RAI14: variants seen among roughly 807,000 people sequenced by gnomAD.
RAI14 encodes the protein retinoic acid induced 14.
Under a neutral mutation model 115.4 loss-of-function variants are expected in RAI14, and 45 were observed. The observed-to-expected ratio is 0.39, with a 90% CI of 0.31 to 0.50. RAI14 has a LOEUF of 0.50. RAI14 is among the 20% of genes least tolerant of loss of function. The probability of loss-of-function intolerance (pLI) is 0.85; values close to 1 mark genes in which losing one functional copy is unlikely to be tolerated. For synonymous variants in RAI14, 371 were observed against 415.4 expected (o/e 0.89, Z 1.30); for missense variants, 939 against 1,131.2 (o/e 0.83, Z 2.44).
chr5:34,814,298 T>C (rs756615901), intron 11 of RAI14, among the ~76,000 whole-genome samples: 18 of 152,352 alleles, frequency 1.2e-4, no homozygotes, highest in Admixed American at 2.6e-4. Flanking sequence ...TTTTTAAATG[T>C]ATGTTAGCAT....
chr5:34,787,856 T>G (rs1331408267), intron 3 of RAI14, among the ~76,000 whole-genome samples: 1 of 150,028 alleles, frequency 6.7e-6, no homozygotes, highest in Non-Finnish European at 1.5e-5. Flanking sequence ...TTGCCTTTAA[T>G]GGTTTATTAC....
At chr5:34,771,596 A>G (rs1175870114) in intron 3 of RAI14, among the ~76,000 whole-genome samples, 3 of 152,196 alleles carry the variant, frequency 2.0e-5, no homozygotes, top group African/African-American at 4.8e-5. Context: ...GAATAGCAAC[A>G]GTTCAAGCCT....
chr5:34,787,893 ATTTTTTTTTTTTTTTT>A (rs70973012), intron 3 of RAI14, among the ~76,000 whole-genome samples: 259 of 25,078 alleles, frequency 0.01, no homozygotes, highest in Non-Finnish European at 0.014. Flanking sequence ...GATACTACTG[ATTTTTTTTTTTTTTTT>A]TTTTTTTTTT....
At chr5:34,826,157 T>C in intron 15 of RAI14, 173 bp from the exon 16 acceptor site, 1 of 495,928 alleles carries the variant, frequency 2.0e-6, no homozygotes, top group Non-Finnish European at 3.3e-6. Context: ...CCTGATTTTG[T>C]CATCCATTTC....
intron 2 of RAI14, among the ~76,000 whole-genome samples, chr5:34,728,157 G>A (rs1288686230): frequency 6.6e-6 from 1 of 152,122 alleles, no homozygotes; most frequent in East Asian, 1.9e-4. Flanking sequence ...CATTTGGAAG[G>A]GCTATATTTA....
At position 34,811,804 on chromosome 5, in the gene RAI14, A is replaced by C; in HGVS notation, c.595A>C (p.Asn199His). The C allele has an allele frequency of 6.2e-7, 1 of 1,613,496 alleles. No individual in the cohort carries two copies. Among genetic ancestry groups the C allele is most frequent in the South Asian group, 1.1e-5 (1 of 91,062 alleles). Residue 199 changes from asparagine (N) to histidine (H), a missense_variant, in exon 9 of 18, where the codon AAC (asparagine) becomes CAC (histidine). Asn to His is a moderately conservative substitution (Grantham distance 68, BLOSUM62 1). Transcript: ENST00000265109. Reference sequence around the variant, plus strand: ...GCTGGCCTGTGAGATTGGCAGCTCTAACGCTGTGGAAGCCTTAATTAAAAA... The same window carrying C: ...GCTGGCCTGTGAGATTGGCAGCTCTCACGCTGTGGAAGCCTTAATTAAAAA... Reference protein sequence around the residue: ...LMLACEIGSSNAVEALIKKGA... With the variant: ...LMLACEIGSSHAVEALIKKGA...
At chr5:34,767,659 G>C (rs1749596819) in intron 3 of RAI14, among the ~76,000 whole-genome samples, 1 of 125,884 alleles carries the variant, frequency 7.9e-6, no homozygotes. Flanking sequence ...ATCATTCAAG[G>C]CCCAATTTAC....
chr5:34,803,584 A>G, intron 4 of RAI14, 128 bp from the exon 5 acceptor site: 3 of 806,190 alleles, frequency 3.7e-6, no homozygotes, highest in Non-Finnish European at 5.8e-6. Flanking sequence ...ACAAACAAAA[A>G]AACACAGTTC....
intron 2 of RAI14, among the ~76,000 whole-genome samples, chr5:34,718,774 C>G (rs182339246): frequency 6.6e-6 from 1 of 152,284 alleles, no homozygotes; most frequent in Admixed American, 6.5e-5. Context: ...AAATGGAGAT[C>G]AGTTCCTATG....
intron 2 of RAI14, among the ~76,000 whole-genome samples, chr5:34,738,252 C>T (rs1745102185): frequency 1.3e-5 from 2 of 152,024 alleles, no homozygotes; most frequent in Admixed American, 1.3e-4. Context: ...GGTGAGATCC[C>T]ATCTCTAAAA....
chr5:34,764,540 TCTCTCTCTC>T (rs1561329853), intron 3 of RAI14, among the ~76,000 whole-genome samples: 1 of 141,986 alleles, frequency 7.0e-6, no homozygotes, highest in African/African-American at 2.5e-5. Context: ...GTGAATTTTC[TCTCTCTCTC>T]TCTCTCTCTC....
chr5:34,711,608 G>T (rs1352703495), intron 2 of RAI14, among the ~76,000 whole-genome samples: 1 of 152,210 alleles, frequency 6.6e-6, no homozygotes, highest in Non-Finnish European at 1.5e-5. Flanking sequence ...GAACCCTCAT[G>T]AATGAGATTA....
At chr5:34,666,169 G>A (rs1383915310) in intron 1 of RAI14, among the ~76,000 whole-genome samples, 1 of 151,966 alleles carries the variant, frequency 6.6e-6, no homozygotes, top group Non-Finnish European at 1.5e-5. Context: ...GATGTCCCAG[G>A]CCCCACCTGA....
intron 2 of RAI14, among the ~76,000 whole-genome samples, chr5:34,736,865 C>G (rs1215415235): frequency 6.6e-6 from 1 of 152,228 alleles, no homozygotes; most frequent in East Asian, 1.9e-4. Context: ...TTGAGTAATT[C>G]AGGAATCCCC....
chr5:34,699,401 C>G (rs1739754268), intron 2 of RAI14, among the ~76,000 whole-genome samples: 1 of 152,176 alleles, frequency 6.6e-6, no homozygotes, highest in Non-Finnish European at 1.5e-5. Context: ...AGCCGTGTCT[C>G]TCCCCAGCTT....
At chr5:34,738,250 C>A (rs1462256924) in intron 2 of RAI14, among the ~76,000 whole-genome samples, 2 of 152,050 alleles carry the variant, frequency 1.3e-5, no homozygotes, top group African/African-American at 4.8e-5. Flanking sequence ...ACGGTGAGAT[C>A]CCATCTCTAA....
intron 1 of RAI14, among the ~76,000 whole-genome samples, chr5:34,671,756 AG>A (rs1743635921): frequency 6.6e-6 from 1 of 152,162 alleles, no homozygotes; most frequent in South Asian, 2.1e-4. Context: ...CTTTTTTACT[AG>A]TGTTTGAAAT....
chr5:34,717,945 T>G (rs1742196791), intron 2 of RAI14, among the ~76,000 whole-genome samples: 1 of 147,542 alleles, frequency 6.8e-6, no homozygotes, highest in Non-Finnish European at 1.5e-5. Context: ...CTCTTAAGCT[T>G]CTTTTTCAGA....
intron 3 of RAI14, among the ~76,000 whole-genome samples, chr5:34,770,561 G>C (rs1750020247): frequency 6.6e-6 from 1 of 152,200 alleles, no homozygotes; most frequent in African/African-American, 2.4e-5. Flanking sequence ...GAATAAACCT[G>C]GAGAAGGAAG....
Sources: allele counts gnomAD v4.1 joint callset (sites outside exome capture counted in the v4.1 genomes callset), GRCh38; gene constraint gnomAD v4.1.1; transcripts MANE v1.5; gene names NCBI Gene and HGNC (gene_info 2026-07-23, HGNC 2026-07-21).